The following FREM3 variants were observed in gnomAD, a reference collection of about 807,000 sequenced individuals.
The protein encoded by FREM3 is FRAS1-related extracellular matrix protein 3.
In FREM3, 105 loss-of-function variants were observed where a neutral mutation model predicts 129.1. The ratio of observed to expected loss-of-function variants is 0.81; its 90% CI spans 0.69 to 0.96. The LOEUF (loss-of-function observed/expected upper bound fraction) is 0.96. Ranked by LOEUF, FREM3 falls within the 40% of genes least tolerant of loss-of-function variation. The probability of loss-of-function intolerance (pLI) is 0.00; values close to 1 mark genes in which losing one functional copy is unlikely to be tolerated. For synonymous variants in FREM3, 1,014 were observed against 1,044.9 expected (o/e 0.97, Z 0.57); for missense variants, 2,593 against 2,666.3 (o/e 0.97, Z 0.61).
chr4:143,596,175 A>G (rs1301723231), intron 6 of FREM3, among the ~76,000 whole-genome samples: 2 of 152,186 alleles, frequency 1.3e-5, no homozygotes, highest in Non-Finnish European at 2.9e-5. Context: ...ATGGGACTTG[A>G]TATTTTAGAT....
At position 143,592,032 on chromosome 4, in the gene FREM3, C is replaced by A. The variant is rs553335995; in HGVS notation, c.6029-6039G>T. 4.2e-3 allele frequency among the ~76,000 whole-genome samples: 634 copies of A among 152,148 alleles called. 4 individuals are homozygous for A. The highest frequency in any genetic ancestry group is 6.8e-3 in the Non-Finnish European group (460 of 67,952). Reference sequence around the variant, plus strand: ...TCTCTTTTGATCTTTGTTGGTTTAACATCTGTTTTATCAGAGACTAGGATT... The same window carrying A: ...TCTCTTTTGATCTTTGTTGGTTTAAAATCTGTTTTATCAGAGACTAGGATT... On this transcript the variant is annotated intron_variant, in intron 6 of 7. Coordinates refer to ENST00000329798, the MANE Select transcript of FREM3 (RefSeq NM_001168235.2).
chr4:143,610,543 C>T (rs967777051), intron 6 of FREM3, among the ~76,000 whole-genome samples: 1 of 152,188 alleles, frequency 6.6e-6, no homozygotes, highest in Non-Finnish European at 1.5e-5. Context: ...CTGAGCTTAG[C>T]AACTCACAGC....
intron 5 of FREM3, among the ~76,000 whole-genome samples, chr4:143,612,318 A>G (rs1171726494): frequency 1.3e-5 from 2 of 152,232 alleles, no homozygotes; most frequent in African/African-American, 4.8e-5. Flanking sequence ...TTTATGAGAA[A>G]TTTCATACAA....
At chr4:143,665,589 C>T (rs1197562572) in intron 2 of FREM3, among the ~76,000 whole-genome samples, 1 of 152,072 alleles carries the variant, frequency 6.6e-6, no homozygotes, top group Non-Finnish European at 1.5e-5. Context: ...GAATCCTAAA[C>T]ACTTAAGTTG....
chr4:143,668,944 T>C (rs1041565812), intron 2 of FREM3, among the ~76,000 whole-genome samples: 1 of 152,174 alleles, frequency 6.6e-6, no homozygotes, highest in Admixed American at 6.5e-5. Flanking sequence ...TAGAAAGCAA[T>C]CTGTAGGTAG....
intron 2 of FREM3, among the ~76,000 whole-genome samples, chr4:143,651,205 G>T (rs1739504324): frequency 6.6e-6 from 1 of 152,160 alleles, no homozygotes; most frequent in Non-Finnish European, 1.5e-5. Flanking sequence ...TTAAATGGTT[G>T]CTCATTTCAC....
At chr4:143,643,482 C>T (rs554075868) in intron 2 of FREM3, among the ~76,000 whole-genome samples, 8 of 151,984 alleles carry the variant, frequency 5.3e-5, no homozygotes, top group Admixed American at 2.0e-4. Context: ...GAGGAAAAAT[C>T]TTGTTTTTTA....
rs755221141 is a variant in FREM3 at position 143,611,378 on chromosome 4, C to T, written c.5929G>A (p.Glu1977Lys). The change falls in exon 6 of 8, where the codon GAG becomes AAG. Residue 1977 changes from glutamate to lysine, a missense_variant. Physicochemically the swap from Glu to Lys is moderately conservative, Grantham distance 56. Transcript: ENST00000329798. The stretch of plus-strand genomic sequence containing the variant: ...CTAAGTGAAACGCTGAAGGATTCCT[C>T]CTCTTCATAAAGGGAGTCATCAATG... ...LIIDDSLYEE[E>K]ESFSVSLRLP... 1.4e-5 allele frequency: 22 copies of T among 1,537,034 alleles called. 1 individual carries two copies. The South Asian group carries it at 2.6e-4, about 18-fold the overall frequency.
intron 2 of FREM3, among the ~76,000 whole-genome samples, chr4:143,671,320 C>T (rs553564219): frequency 4.6e-5 from 7 of 152,190 alleles, no homozygotes; most frequent in Admixed American, 2.0e-4. Flanking sequence ...CGCTTTAACT[C>T]GTATACACAG....
intron 2 of FREM3, among the ~76,000 whole-genome samples, chr4:143,676,005 A>C (rs1439782035): frequency 6.6e-6 from 1 of 152,228 alleles, no homozygotes; most frequent in Admixed American, 6.5e-5. Context: ...TATTCCAATC[A>C]ATAGAAAAAG....
In FREM3 at chr4:143,697,229, G is replaced by C; in HGVS notation, c.3447C>G (p.Ile1149Met). Residue 1149 changes from isoleucine (I) to methionine (M), a missense_variant, in exon 1 of 8, where the codon ATC becomes ATG. By Grantham distance (10) the Ile-to-Met change is conservative (BLOSUM62 1). This residue lies in a region of FREM3 where 2,276 missense variants were observed against 2,267.2 expected (regional missense o/e 1.00). Transcript: ENST00000329798. ...CCTTGTGAATACTCTGTACATAATT[G>C]ATATGCCTCACTTGGATATCTCTGA... The part of the protein sequence containing the change: ...FSLRDIQVRH[I>M]NYVQSIHKGV... The C allele has an allele frequency of 6.5e-7, 1 of 1,537,706 alleles. No homozygotes were observed. The highest frequency in any genetic ancestry group is 1.4e-5 in the African/African-American group (1 of 73,160).
chr4:143,589,957 C>A lies in FREM3; in HGVS notation c.6029-3964G>T, dbSNP rs370078099. Among the ~76,000 whole-genome samples the A allele has an allele frequency of 8.6e-3, 1,314 of 152,150 alleles. 21 individuals carry two copies. Among genetic ancestry groups the A allele is most frequent in the African/African-American group, 0.03 (1,258 of 41,470 alleles). On this transcript the variant is annotated intron_variant, in intron 6 of 7. Coordinates refer to ENST00000329798, the MANE Select transcript of FREM3 (RefSeq NM_001168235.2). ...AGTTCTCCTTGAAGAGGTCCTTCAC[C>A]TCCCTTGTAAGTTGGATTCCTAGGT...
intron 2 of FREM3, among the ~76,000 whole-genome samples, chr4:143,677,216 C>G (rs1321865144): frequency 1.3e-5 from 2 of 152,148 alleles, no homozygotes; most frequent in Non-Finnish European, 2.9e-5. Flanking sequence ...TGGAACAGAA[C>G]AGAGCCCTCA....
chr4:143,665,044 G>A (rs960645115), intron 2 of FREM3, among the ~76,000 whole-genome samples: 2 of 152,148 alleles, frequency 1.3e-5, no homozygotes, highest in Non-Finnish European at 2.9e-5. Context: ...CACTTCCCGA[G>A]TGAGGCAATG....
At chr4:143,579,861 C>T (rs891893575) in intron 7 of FREM3, among the ~76,000 whole-genome samples, 1 of 152,182 alleles carries the variant, frequency 6.6e-6, no homozygotes, top group African/African-American at 2.4e-5. Context: ...TTCTACAACT[C>T]TACTTGTTAA....
At chr4:143,598,338 A>AG (rs1366336177) in intron 6 of FREM3, among the ~76,000 whole-genome samples, 1 of 152,112 alleles carries the variant, frequency 6.6e-6, no homozygotes, top group Non-Finnish European at 1.5e-5. Flanking sequence ...ATCAGCTTGG[A>AG]GCTGTTTTCT....
At chr4:143,660,782 C>T (rs1349375464) in intron 2 of FREM3, among the ~76,000 whole-genome samples, 1 of 151,986 alleles carries the variant, frequency 6.6e-6, no homozygotes, top group African/African-American at 2.4e-5. Flanking sequence ...TGTAGTTCTC[C>T]TTGAAGAGGT....
At chr4:143,627,990 C>T (rs1367268293) in intron 2 of FREM3, among the ~76,000 whole-genome samples, 3 of 152,076 alleles carry the variant, frequency 2.0e-5, no homozygotes, top group Non-Finnish European at 4.4e-5. Flanking sequence ...CCAGGTGCCT[C>T]CTATTCCCAA....
Position 143,698,900 on chromosome 4 carries a change from C to T in FREM3, c.1776G>A (p.Glu592=). 3 of 1,537,496 alleles carry T rather than the reference C, an allele frequency of 2.0e-6. No individual in the cohort carries two copies. Among genetic ancestry groups the T allele is most frequent in the Non-Finnish European group, 1.7e-6 (2 of 1,146,968 alleles). ...VLENQPLKGN[E]EEPQWELAPG... The stretch of plus-strand genomic sequence containing the variant: ...GGGCCAACTCCCACTGAGGCTCTTC[C>T]TCATTTCCTTTTAGGGGCTGGTTCT... Residue 592 remains glutamate (E), a synonymous_variant, in exon 1 of 8, where the codon GAG becomes GAA. Transcript: ENST00000329798.
Sources: allele counts gnomAD v4.1 joint callset (sites outside exome capture counted in the v4.1 genomes callset), GRCh38; gene constraint gnomAD v4.1.1; regional missense constraint gnomAD v4.1.1; transcripts MANE v1.5; gene names NCBI Gene and HGNC (gene_info 2026-07-23, HGNC 2026-07-21).